Variants in DSCAM observed in about 807,000 individuals in gnomAD.
The protein encoded by DSCAM is DS cell adhesion molecule.
DSCAM carries 47 observed loss-of-function variants against 217.7 expected under a neutral mutation model. That is an observed-to-expected ratio of 0.22 (90% CI 0.17 to 0.28). The LOEUF (loss-of-function observed/expected upper bound fraction) is 0.28, where lower values mean the gene tolerates loss of function less well. DSCAM is among the 10% of genes least tolerant of loss of function. The pLI, the probability that DSCAM is intolerant of heterozygous loss-of-function variation, is 1.00. For missense variants in DSCAM, 2,080 were observed against 2,618.3 expected (o/e 0.79, Z 4.49); for synonymous variants, 1,056 against 1,015.3 (o/e 1.04, Z -0.76).
chr21:40,796,262 C>T (rs2091690761), intron 1 of DSCAM, among the ~76,000 whole-genome samples: 1 of 152,168 alleles, frequency 6.6e-6, no homozygotes, highest in Admixed American at 6.5e-5. Flanking sequence ...GTGGACATGA[C>T]ATCGGCAAAT....
chr21:40,302,391 G>A (rs1408570315), intron 9 of DSCAM, among the ~76,000 whole-genome samples: 2 of 152,078 alleles, frequency 1.3e-5, no homozygotes, highest in Non-Finnish European at 2.9e-5. Context: ...TCTCTTGCCT[G>A]CCACCATGTA....
At chr21:40,091,214 C>T (rs1054643380) in intron 21 of DSCAM, among the ~76,000 whole-genome samples, 3 of 152,222 alleles carry the variant, frequency 2.0e-5, no homozygotes, top group African/African-American at 7.2e-5. Context: ...CACACACACA[C>T]ATGCACACAG....
At chr21:40,051,809 C>T (rs2088936029) in intron 30 of DSCAM, 149 bp downstream of exon 30, 3 of 950,710 alleles carry the variant, frequency 3.2e-6, no homozygotes, top group South Asian at 2.2e-5. Flanking sequence ...AATAACAGCT[C>T]ATTATCCCAA....
At chr21:40,339,601 A>G (rs1569072655) in intron 6 of DSCAM, among the ~76,000 whole-genome samples, 186 bp from the exon 7 acceptor site, 1 of 152,208 alleles carries the variant, frequency 6.6e-6, no homozygotes, top group African/African-American at 2.4e-5. Context: ...ACAGGTAAGC[A>G]CAGTGTTAGC....
chr21:40,013,232 C>A lies in DSCAM; in HGVS notation c.5841G>T (p.Pro1947=). The change falls in exon 33 of 33, where the codon CCG becomes CCT. Residue 1947 remains proline (P), a synonymous_variant. Coordinates refer to ENST00000400454, the MANE Select transcript of DSCAM (RefSeq NM_001389.5). ...LKRPTVLEPI[P]MEAASSASST... The stretch of plus-strand genomic sequence containing the variant: ...AGGAGGCGGAGGAGGCGGCTTCCAT[C>A]GGGATGGGCTCCAGGACCGTGGGGC... 7 of 1,613,842 alleles carry A rather than the reference C, an allele frequency of 4.3e-6. No homozygotes were observed. The highest frequency in any genetic ancestry group is 5.1e-6 in the Non-Finnish European group (6 of 1,179,900).
At chr21:40,301,439 C>T (rs2074012803) in intron 9 of DSCAM, among the ~76,000 whole-genome samples, 1 of 152,246 alleles carries the variant, frequency 6.6e-6, no homozygotes, top group Admixed American at 6.5e-5. Flanking sequence ...CAAGACCATT[C>T]TTGCTGCTGG....
intron 27 of DSCAM, among the ~76,000 whole-genome samples, chr21:40,071,753 C>G (rs992904327): frequency 1.3e-5 from 2 of 152,200 alleles, no homozygotes; most frequent in African/African-American, 4.8e-5. Flanking sequence ...TGAACTTATT[C>G]TCCCAGAGGC....
At chr21:40,182,621 C>T (rs1214383564) in intron 14 of DSCAM, among the ~76,000 whole-genome samples, 4 of 105,698 alleles carry the variant, frequency 3.8e-5, no homozygotes, top group South Asian at 3.1e-4. Flanking sequence ...ACAGAACGGG[C>T]CACCAGAGAA....
intron 8 of DSCAM, among the ~76,000 whole-genome samples, chr21:40,331,780 A>G (rs1227828055): frequency 6.6e-6 from 1 of 152,232 alleles, no homozygotes. Flanking sequence ...TAGCATGGCC[A>G]TTTCATCTCA....
At chr21:40,230,341 G>A (rs957823470) in intron 11 of DSCAM, among the ~76,000 whole-genome samples, 6 of 152,084 alleles carry the variant, frequency 3.9e-5, no homozygotes, top group Non-Finnish European at 8.8e-5. Flanking sequence ...GTTTTTGAAA[G>A]GTTTAAAATT....
At chr21:40,496,245 G>T (rs1184058585) in intron 3 of DSCAM, among the ~76,000 whole-genome samples, 1 of 152,098 alleles carries the variant, frequency 6.6e-6, no homozygotes, top group Non-Finnish European at 1.5e-5. Flanking sequence ...CAAGTTGGAA[G>T]CATCACACTA....
chr21:40,644,657 A>G (rs776316827), intron 3 of DSCAM, among the ~76,000 whole-genome samples: 1 of 152,256 alleles, frequency 6.6e-6, no homozygotes, highest in Non-Finnish European at 1.5e-5. Context: ...GAAACCCTAA[A>G]GAACATTGCA....
At chr21:40,515,104 T>C (rs1190655823) in intron 3 of DSCAM, among the ~76,000 whole-genome samples, 6 of 152,220 alleles carry the variant, frequency 3.9e-5, no homozygotes, top group Admixed American at 3.3e-4. Flanking sequence ...TAATTCCTAC[T>C]ATAATCTGAA....
intron 1 of DSCAM, among the ~76,000 whole-genome samples, chr21:40,742,472 T>C (rs1243233403): frequency 3.9e-5 from 6 of 152,214 alleles, no homozygotes; most frequent in Non-Finnish European, 7.3e-5. Context: ...TGAAAGGACA[T>C]GGTCCTACTG....
chr21:40,283,933 G>A (rs1256516916), intron 10 of DSCAM, among the ~76,000 whole-genome samples: 1 of 149,394 alleles, frequency 6.7e-6, no homozygotes, highest in Non-Finnish European at 1.5e-5. Context: ...CTCACCAATG[G>A]TTTGCACAAT....
chr21:40,714,352 T>C (rs955640196), intron 1 of DSCAM, among the ~76,000 whole-genome samples: 10 of 152,124 alleles, frequency 6.6e-5, no homozygotes, highest in African/African-American at 2.4e-4. Flanking sequence ...CTCCAACCCA[T>C]GAGAGCTGCT....
At chr21:40,500,669 C>G (rs2076163781) in intron 3 of DSCAM, among the ~76,000 whole-genome samples, 1 of 152,206 alleles carries the variant, frequency 6.6e-6, no homozygotes, top group Non-Finnish European at 1.5e-5. Flanking sequence ...CAGTGCAGTA[C>G]CCAGGGGCTA....
intron 11 of DSCAM, among the ~76,000 whole-genome samples, chr21:40,273,682 G>A (rs946213253): frequency 1.3e-5 from 2 of 152,150 alleles, no homozygotes; most frequent in African/African-American, 4.8e-5. Flanking sequence ...GCCATACATT[G>A]GTGGCTTATC....
rs562629373 is a variant in DSCAM at position 40,427,786 on chromosome 21, G to A, written c.509-58541C>T. 4.6e-5 allele frequency among the ~76,000 whole-genome samples: 7 copies of A among 152,334 alleles called. No homozygotes were observed. The South Asian group carries it at 8.3e-4, about 18-fold the overall frequency. On this transcript the variant is annotated intron_variant, in intron 3 of 32. Transcript: ENST00000400454. Reference sequence around the variant, plus strand: ...GAGGCTATGCTCACGGCTGCCTGCCGCATGTGGCCTGGTGCTGCTATGTCT... The same window carrying A: ...GAGGCTATGCTCACGGCTGCCTGCCACATGTGGCCTGGTGCTGCTATGTCT...
Sources: allele counts gnomAD v4.1 joint callset (sites outside exome capture counted in the v4.1 genomes callset), GRCh38; gene constraint gnomAD v4.1.1; transcripts MANE v1.5; gene names NCBI Gene and HGNC (gene_info 2026-07-23, HGNC 2026-07-21).